STYK1: variants seen among roughly 807,000 people sequenced by gnomAD.
The protein encoded by STYK1 is STY kinase 1.
STYK1 carries 46 observed loss-of-function variants against 48.1 expected under a neutral mutation model. The ratio of observed to expected loss-of-function variants is 0.96; its 90% CI spans 0.75 to 1.22. The LOEUF (loss-of-function observed/expected upper bound fraction) is 1.22, where lower values mean the gene tolerates loss of function less well. STYK1 is among the 50% of genes most tolerant of loss of function. The pLI is 0.00. For missense variants in STYK1, 527 were observed against 521.1 expected, an observed-to-expected ratio of 1.01 and a Z score of -0.11; for synonymous variants, 188 against 189.0, an observed-to-expected ratio of 0.99 and a Z score of 0.04.
In STYK1 at chr12:10,619,832, G is replaced by A. The variant is rs1406224804; in HGVS notation, c.*312C>T. On this transcript the variant is annotated 3_prime_UTR_variant, in exon 11 of 11. Transcript: ENST00000075503. Reference sequence around the variant, plus strand: ...GAGGAAACTAGCCTCGGACGGGAGGGATGAGCTTATTTGTGCCATGCCCCA... The same window carrying A: ...GAGGAAACTAGCCTCGGACGGGAGGAATGAGCTTATTTGTGCCATGCCCCA... 2.8e-5 allele frequency: 12 copies of A among 422,914 alleles called. No individual in the cohort carries two copies. Among genetic ancestry groups the A allele is most frequent in the Non-Finnish European group, 4.6e-5 (11 of 240,854 alleles). 26.2% of individuals were successfully genotyped at this position (422,914 alleles called of 1,614,324 possible).
intron 7 of STYK1, 93 bp downstream of exon 7, chr12:10,627,548 C>G (rs1947372072): frequency 8.5e-7 from 1 of 1,174,004 alleles, no homozygotes. Flanking sequence ...AACATACACA[C>G]CACTTGAGAA....
chr12:10,662,511 T>C (rs773509757), intron 1 of STYK1, among the ~76,000 whole-genome samples: 8 of 152,256 alleles, frequency 5.3e-5, no homozygotes, highest in Non-Finnish European at 1.0e-4. Flanking sequence ...TCCACATCCT[T>C]GACAAACACT....
At chr12:10,654,127 A>T (rs1947692150) in intron 1 of STYK1, among the ~76,000 whole-genome samples, 1 of 152,228 alleles carries the variant, frequency 6.6e-6, no homozygotes. Context: ...AGACACTCCC[A>T]CCAGTGTCCT....
At position 10,631,272 on chromosome 12, in the gene STYK1, C is replaced by T; in HGVS notation, c.224G>A (p.Trp75Ter). 1 of 1,614,186 alleles carries T rather than the reference C, an allele frequency of 6.2e-7. No homozygotes were observed. The highest frequency in any genetic ancestry group is 8.5e-7 in the Non-Finnish European group (1 of 1,180,030). ...APVPPPRDLS[W>*]EAGHGGNVAL... Reference sequence around the variant, plus strand: ...CACATTTCCTCCATGTCCTGCTTCCCAGCTTAGGTCCCTAGGTGGAGGAAC... The same window carrying T: ...CACATTTCCTCCATGTCCTGCTTCCTAGCTTAGGTCCCTAGGTGGAGGAAC... The change falls in exon 5 of 11, where the codon TGG becomes TAG. Residue 75 changes from tryptophan to a stop codon, truncating the protein, a stop_gained. Coordinates refer to ENST00000075503, the MANE Select transcript of STYK1 (RefSeq NM_018423.3). LOFTEE classifies it high-confidence loss of function.
chr12:10,647,262 C>T (rs1200368025), intron 1 of STYK1, among the ~76,000 whole-genome samples: 1 of 152,224 alleles, frequency 6.6e-6, no homozygotes, highest in Admixed American at 6.5e-5. Flanking sequence ...CCTGTCAAGC[C>T]TCAGCAGCAG....
At chr12:10,631,371 C>G in intron 4 of STYK1, 63 bp from the exon 5 acceptor site, 1 of 1,576,664 alleles carries the variant, frequency 6.3e-7, no homozygotes, top group Non-Finnish European at 8.6e-7. Flanking sequence ...AAAGCAGACC[C>G]TGAAACAAAT....
intron 1 of STYK1, among the ~76,000 whole-genome samples, chr12:10,647,577 T>C (rs1947614168): frequency 6.6e-6 from 1 of 151,098 alleles, no homozygotes; most frequent in Admixed American, 6.6e-5. Context: ...GAGTTAATGC[T>C]GAAATGAGTT....
At chr12:10,662,034 A>C (rs557450864) in intron 1 of STYK1, among the ~76,000 whole-genome samples, 5 of 152,204 alleles carry the variant, frequency 3.3e-5, no homozygotes, top group Admixed American at 2.0e-4. Context: ...TCCCTTCCCT[A>C]GCCCCTGGCA....
At chr12:10,661,760 T>C (rs1251140201) in intron 1 of STYK1, among the ~76,000 whole-genome samples, 2 of 152,214 alleles carry the variant, frequency 1.3e-5, no homozygotes, top group African/African-American at 4.8e-5. Context: ...TCATTTGGCT[T>C]AAAAATCTGT....
At chr12:10,622,492 G>A (rs1164180936) in intron 9 of STYK1, 146 bp downstream of exon 9, 3 of 801,298 alleles carry the variant, frequency 3.7e-6, no homozygotes, top group African/African-American at 1.7e-5. Context: ...ACTATCACGG[G>A]AATCAGGCTT....
intron 1 of STYK1, among the ~76,000 whole-genome samples, chr12:10,656,401 T>G (rs1379220080): frequency 4.0e-5 from 6 of 151,766 alleles, no homozygotes; most frequent in Non-Finnish European, 8.8e-5. Context: ...CTGAGGCAGG[T>G]GGATCACGAG....
chr12:10,669,436 AATAG>A (rs1179189210), intron 1 of STYK1, among the ~76,000 whole-genome samples: 3 of 118,642 alleles, frequency 2.5e-5, no homozygotes, highest in African/African-American at 1.1e-4. Flanking sequence ...TCAGAATAAA[AATAG>A]ATAATATACT....
At chr12:10,621,852 AG>A (rs1865911530) in intron 10 of STYK1, 23 bp downstream of exon 10, 1 of 1,601,456 alleles carries the variant, frequency 6.2e-7, no homozygotes, top group African/African-American at 1.3e-5. Context: ...ATGAAAGAGG[AG>A]CAGGCCTTTA....
chr12:10,651,002 C>T (rs1947657349), intron 1 of STYK1, among the ~76,000 whole-genome samples: 1 of 87,272 alleles, frequency 1.1e-5, no homozygotes. Context: ...GAGACTCCTT[C>T]TCAAAAAAAA....
chr12:10,646,183 T>A (rs1161644453), intron 1 of STYK1, among the ~76,000 whole-genome samples: 1 of 152,052 alleles, frequency 6.6e-6, no homozygotes, highest in Non-Finnish European at 1.5e-5. Context: ...CAGGGAGAAG[T>A]TGGAACAGTT....
chr12:10,671,492 CT>C (rs1947891916), intron 1 of STYK1, among the ~76,000 whole-genome samples: 1 of 152,114 alleles, frequency 6.6e-6, no homozygotes, highest in Admixed American at 6.5e-5. Context: ...CCATTCCTGG[CT>C]TTGAAGATGG....
intron 9 of STYK1, 138 bp from the exon 10 acceptor site, chr12:10,622,110 C>A: frequency 1.5e-6 from 1 of 653,352 alleles, no homozygotes; most frequent in Non-Finnish European, 2.6e-6. Flanking sequence ...TTCAGTTGCT[C>A]CCTGGTGATC....
intron 8 of STYK1, among the ~76,000 whole-genome samples, chr12:10,623,894 G>A (rs1255690169): frequency 6.6e-6 from 1 of 151,986 alleles, no homozygotes; most frequent in Non-Finnish European, 1.5e-5. Flanking sequence ...CTTATAAAAA[G>A]AAGCCTTGCC....
chr12:10,666,188 G>C (rs887491247), intron 1 of STYK1, among the ~76,000 whole-genome samples: 2 of 152,152 alleles, frequency 1.3e-5, no homozygotes, highest in Non-Finnish European at 2.9e-5. Context: ...AAGCCAGCCT[G>C]ATCTGACTTA....
Sources: allele counts gnomAD v4.1 joint callset (sites outside exome capture counted in the v4.1 genomes callset), GRCh38; gene constraint gnomAD v4.1.1; transcripts MANE v1.5; gene names NCBI Gene and HGNC (gene_info 2026-07-23, HGNC 2026-07-21).